CALD1: variants seen among roughly 807,000 people sequenced by gnomAD.
The protein encoded by CALD1 is caldesmon 1.
A neutral mutation model predicts 99.9 loss-of-function variants in CALD1; 33 were observed. The observed-to-expected ratio is 0.33, with a 90% CI of 0.25 to 0.44. The LOEUF (loss-of-function observed/expected upper bound fraction) is 0.44, where lower values mean the gene tolerates loss of function less well. Ranked by LOEUF, CALD1 falls within the 20% of genes least tolerant of loss-of-function variation. CALD1 has a pLI of 1.00. For missense variants in CALD1, 861 were observed against 962.1 expected, an observed-to-expected ratio of 0.89 and a Z score of 1.39; for synonymous variants, 310 against 325.0, an observed-to-expected ratio of 0.95 and a Z score of 0.50.
the CALD1 span, among the ~76,000 whole-genome samples, chr7:134,716,772 A>C: frequency 6.6e-6 from 1 of 152,200 alleles, no homozygotes; most frequent in Non-Finnish European, 1.5e-5. Context: ...CAGTTTTATT[A>C]AGGAATAGTA....
intron 1 of CALD1, among the ~76,000 whole-genome samples, chr7:134,748,583 C>T (rs1005587880): frequency 6.6e-5 from 10 of 152,078 alleles, no homozygotes; most frequent in African/African-American, 2.4e-4. Flanking sequence ...TGGTGGCAGG[C>T]ACCTGTAATC....
chr7:134,714,762 G>A, the CALD1 span, among the ~76,000 whole-genome samples: 2 of 152,202 alleles, frequency 1.3e-5, no homozygotes, highest in Admixed American at 6.5e-5. Flanking sequence ...TAGAAAATGG[G>A]TGGTAACTTC....
upstream of CALD1, among the ~76,000 whole-genome samples, chr7:134,742,040 C>CAG (rs1796596746): frequency 6.6e-6 from 1 of 152,004 alleles, no homozygotes; most frequent in Non-Finnish European, 1.5e-5. Flanking sequence ...CACACACACA[C>CAG]ACACACAGAC....
At chr7:134,738,172 C>T in the CALD1 span, among the ~76,000 whole-genome samples, 1 of 152,164 alleles carries the variant, frequency 6.6e-6, no homozygotes, top group Non-Finnish European at 1.5e-5. Context: ...GTCATTAAAA[C>T]CCAAGTTCCA....
At chr7:134,872,273 G>T (rs576772451) in intron 3 of CALD1, among the ~76,000 whole-genome samples, 20 of 148,550 alleles carry the variant, frequency 1.3e-4, no homozygotes, top group East Asian at 9.9e-4. Flanking sequence ...AAGGAGAATC[G>T]CTTGAACCTG....
intron 4 of CALD1, among the ~76,000 whole-genome samples, chr7:134,932,314 T>G (rs77171319): frequency 0.02 from 3,089 of 152,274 alleles, 93 homozygotes; most frequent in African/African-American, 0.071. Flanking sequence ...CACTGTAATG[T>G]ACATTTTCTT....
chr7:134,962,876 G>A (rs998536920), intron 13 of CALD1: 2 of 456,424 alleles, frequency 4.4e-6, no homozygotes, highest in Admixed American at 2.4e-5. Context: ...TGCTTCTCCT[G>A]CCTTCATTTC....
At chr7:134,923,839 C>T (rs762760870) in intron 3 of CALD1, among the ~76,000 whole-genome samples, 2 of 152,168 alleles carry the variant, frequency 1.3e-5, no homozygotes, top group African/African-American at 4.8e-5. Context: ...AATGAGCATA[C>T]TCTTAAACTC....
intron 1 of CALD1, among the ~76,000 whole-genome samples, chr7:134,781,249 T>C (rs914209405): frequency 1.3e-5 from 2 of 152,240 alleles, no homozygotes; most frequent in East Asian, 3.8e-4. Context: ...ATTTTTCTTT[T>C]AACTGTTCTC....
chr7:134,938,223 C>A (rs1373259601), intron 6 of CALD1, among the ~76,000 whole-genome samples: 2 of 152,182 alleles, frequency 1.3e-5, no homozygotes, highest in African/African-American at 4.8e-5. Flanking sequence ...GCACGTAAAA[C>A]CCAGCCTGAG....
Position 134,849,989 on chromosome 7 carries a change from A to C in CALD1, c.-42+6018A>C, listed in dbSNP as rs887915707. On this transcript the variant is annotated intron_variant, in intron 2 of 14. Coordinates refer to ENST00000361675, the MANE Select transcript of CALD1 (RefSeq NM_033138.4). ...TTAGCATCGTGTCTAAAGCTAATTA[A>C]GTAAGCAAAGCAAAGAAATGGTCAA... Among the ~76,000 whole-genome samples the C allele has an allele frequency of 2.6e-5, 4 of 152,382 alleles. No individual in the cohort carries two copies. In the East Asian group the frequency reaches 7.7e-4, roughly 29 times the overall value.
At chr7:134,911,373 AAC>A (rs1803801373) in intron 3 of CALD1, among the ~76,000 whole-genome samples, 1 of 152,032 alleles carries the variant, frequency 6.6e-6, no homozygotes, top group South Asian at 2.1e-4. Flanking sequence ...CAAAACTTCC[AAC>A]AGAGTGTATG....
intron 3 of CALD1, among the ~76,000 whole-genome samples, chr7:134,882,342 T>C (rs1192321794): frequency 1.3e-5 from 2 of 152,262 alleles, no homozygotes; most frequent in South Asian, 2.1e-4. Context: ...ATTTATCTCA[T>C]GTATTTTTTT....
At chr7:134,731,091 A>G in the CALD1 span, among the ~76,000 whole-genome samples, 1 of 151,900 alleles carries the variant, frequency 6.6e-6, no homozygotes, top group African/African-American at 2.4e-5. Flanking sequence ...GCCTCCCAAC[A>G]TCCAGCTGGG....
intron 1 of CALD1, among the ~76,000 whole-genome samples, chr7:134,785,002 G>A (rs1377815891): frequency 6.6e-6 from 1 of 152,136 alleles, no homozygotes; most frequent in East Asian, 1.9e-4. Flanking sequence ...AAAGGCACAG[G>A]CGCGCCTAAG....
intron 1 of CALD1, among the ~76,000 whole-genome samples, chr7:134,835,393 G>A (rs1799392464): frequency 6.6e-6 from 1 of 152,172 alleles, no homozygotes; most frequent in Admixed American, 6.6e-5. Context: ...AGAGGAACAG[G>A]ATAATTCCAC....
chr7:134,923,686 A>AC (rs1332705332), intron 3 of CALD1, among the ~76,000 whole-genome samples: 1 of 152,224 alleles, frequency 6.6e-6, no homozygotes, highest in Non-Finnish European at 1.5e-5. Context: ...TGAAGCATGA[A>AC]GCAGACCCTG....
At chr7:134,920,901 C>T (rs1804572319) in intron 3 of CALD1, among the ~76,000 whole-genome samples, 1 of 152,152 alleles carries the variant, frequency 6.6e-6, no homozygotes, top group South Asian at 2.1e-4. Context: ...CTCTTTAAGT[C>T]TTTTATAACT....
the CALD1 span, among the ~76,000 whole-genome samples, chr7:134,715,819 G>C: frequency 2.0e-5 from 3 of 152,196 alleles, no homozygotes; most frequent in African/African-American, 7.2e-5. Flanking sequence ...AAGTCATGCA[G>C]AGACAAGGAA....
Sources: gnomAD v4.1 joint callset for allele counts (sites outside exome capture counted in the v4.1 genomes callset) on GRCh38, gnomAD v4.1.1 for gene constraint, MANE v1.5 for transcripts, NCBI Gene and HGNC (gene_info 2026-07-23, HGNC 2026-07-21) for gene names.